COG6: variants seen among roughly 807,000 people sequenced by gnomAD.
The protein encoded by COG6 is component of oligomeric golgi complex 6, also known as conserved oligomeric Golgi complex subunit 6.
In COG6, 74 loss-of-function variants were observed where a neutral mutation model predicts 88.8. That is an observed-to-expected ratio of 0.83 (90% confidence interval 0.69 to 1.01). COG6 has a LOEUF of 1.01. Among genes scored for constraint, COG6 ranks in the 50% least tolerant of loss-of-function variants. The pLI, the probability that COG6 is intolerant of heterozygous loss-of-function variation, is 0.00. For missense variants in COG6, 800 were observed against 797.9 expected (o/e 1.00, Z -0.03); for synonymous variants, 286 against 278.7 (o/e 1.03, Z -0.26).
chr13:39,727,513 A>G lies in COG6; in HGVS notation c.1791A>G (p.Ile597Met). The change falls in exon 18 of 19, where the codon ATA becomes ATG. Residue 597 changes from isoleucine (I) to methionine (M), a missense_variant. Physicochemically the swap from Ile to Met is conservative, Grantham distance 10. Transcript: ENST00000455146. ...TGTCAGCCCCAGACAACCTATTGAT[A>G]CCACAGCTGAACTTTCTTCTAAGTG... Reference protein sequence around the residue: ...RYLSAPDNLLIPQLNFLLSAT... With the variant: ...RYLSAPDNLLMPQLNFLLSAT... 1 of 1,613,464 alleles carries G rather than the reference A, an allele frequency of 6.2e-7. No individual in the cohort carries two copies. The highest frequency in any genetic ancestry group is 8.5e-7 in the Non-Finnish European group (1 of 1,179,532).
At position 39,660,900 on chromosome 13, in the gene COG6, A is replaced by AT. The variant is rs776005163; in HGVS notation, c.369+23dup. 34 of 1,455,878 alleles carry AT rather than the reference A, an allele frequency of 2.3e-5. No homozygotes were observed. Among genetic ancestry groups the AT allele is most frequent in the Non-Finnish European group, 2.7e-5 (28 of 1,038,186 alleles). 90.2% of individuals were successfully genotyped at this position (1,455,878 alleles called of 1,614,324 possible). A position where few individuals can be genotyped will look rare whatever the true frequency, so the allele number is the denominator to read the frequency against. On this transcript the variant is annotated intron_variant, in intron 3 of 18. Coordinates refer to ENST00000455146, the MANE Select transcript of COG6 (RefSeq NM_020751.3). The stretch of plus-strand genomic sequence containing the variant: ...CCTACAGGTATTATATAATGGCTAG[A>AT]TTTTGGCATAGTTCCTGATATAAAC...
intron 4 of COG6, among the ~76,000 whole-genome samples, chr13:39,671,334 T>G (rs1875618495): frequency 6.6e-6 from 1 of 151,880 alleles, no homozygotes; most frequent in Admixed American, 6.6e-5. Context: ...GATCAAATTT[T>G]CCCCACCAAT....
intron 11 of COG6, among the ~76,000 whole-genome samples, chr13:39,692,590 T>G (rs2138018121): frequency 6.6e-6 from 1 of 152,152 alleles, no homozygotes; most frequent in East Asian, 1.9e-4. Context: ...TGTCATCATC[T>G]TTTTTAGTCC....
intron 18 of COG6, among the ~76,000 whole-genome samples, chr13:39,783,641 C>A (rs559867220): frequency 6.6e-6 from 1 of 152,108 alleles, no homozygotes; most frequent in African/African-American, 2.4e-5. Flanking sequence ...GACTACACAC[C>A]AATCCAAACT....
intron 17 of COG6, 129 bp downstream of exon 17, chr13:39,724,690 C>A: frequency 1.4e-6 from 1 of 735,334 alleles, no homozygotes; most frequent in Non-Finnish European, 2.4e-6. Context: ...ACGTTGGGTC[C>A]AATAATAATG....
chr13:39,676,542 G>A (rs1434296582), intron 4 of COG6, among the ~76,000 whole-genome samples: 3 of 152,140 alleles, frequency 2.0e-5, no homozygotes, highest in African/African-American at 7.2e-5. Flanking sequence ...TATTCAGTAG[G>A]AGCATTAGCA....
At chr13:39,667,430 T>G (rs1373865344) in intron 4 of COG6, among the ~76,000 whole-genome samples, 1 of 152,182 alleles carries the variant, frequency 6.6e-6, no homozygotes, top group Non-Finnish European at 1.5e-5. Context: ...ATTGCCTGGA[T>G]AGAAATTAAA....
intron 13 of COG6, among the ~76,000 whole-genome samples, chr13:39,712,176 T>C (rs960474766): frequency 1.3e-5 from 2 of 152,102 alleles, no homozygotes; most frequent in African/African-American, 4.8e-5. Flanking sequence ...TATCTTGCAT[T>C]TTTCATTTAA....
intron 3 of COG6, among the ~76,000 whole-genome samples, chr13:39,663,088 T>C (rs1420638568): frequency 1.2e-5 from 1 of 84,602 alleles, no homozygotes; most frequent in Non-Finnish European, 2.6e-5. Flanking sequence ...TATGTTTAAA[T>C]AATAAACATG....
chr13:39,660,289 G>C (rs1235481307), intron 2 of COG6, among the ~76,000 whole-genome samples: 1 of 152,072 alleles, frequency 6.6e-6, no homozygotes, highest in Non-Finnish European at 1.5e-5. Flanking sequence ...TCGAACTCCT[G>C]GGCTCACGCA....
At chr13:39,703,612 T>C (rs1303655490) in intron 13 of COG6, among the ~76,000 whole-genome samples, 2 of 152,286 alleles carry the variant, frequency 1.3e-5, no homozygotes, top group African/African-American at 4.8e-5. Flanking sequence ...TTGGGAGCAT[T>C]CCATGCTTGA....
At chr13:39,743,207 A>C (rs1337317529) in intron 18 of COG6, among the ~76,000 whole-genome samples, 1 of 152,228 alleles carries the variant, frequency 6.6e-6, no homozygotes, top group Admixed American at 6.5e-5. Context: ...GAGAAGCAAG[A>C]GCAAACAAAT....
At chr13:39,742,176 T>G (rs1483496869) in intron 18 of COG6, among the ~76,000 whole-genome samples, 3 of 152,174 alleles carry the variant, frequency 2.0e-5, no homozygotes, top group Non-Finnish European at 4.4e-5. Flanking sequence ...CCATTGATGC[T>G]GGGAAGAAAC....
chr13:39,669,776 T>C (rs1322773271), intron 4 of COG6, among the ~76,000 whole-genome samples: 1 of 152,192 alleles, frequency 6.6e-6, no homozygotes, highest in Non-Finnish European at 1.5e-5. Flanking sequence ...TTAGTAAGCC[T>C]GTGGAAGTGT....
chr13:39,692,866 A>G (rs757541104), intron 11 of COG6, among the ~76,000 whole-genome samples: 10 of 151,920 alleles, frequency 6.6e-5, no homozygotes, highest in Non-Finnish European at 8.8e-5. Flanking sequence ...AACATACTTT[A>G]TATCTGAGCC....
At chr13:39,672,794 CTT>C (rs1399520658) in intron 4 of COG6, among the ~76,000 whole-genome samples, 1 of 152,002 alleles carries the variant, frequency 6.6e-6, no homozygotes, top group African/African-American at 2.4e-5. Context: ...TATGATAACT[CTT>C]TAAGTGTTTG....
At chr13:39,678,463 C>T (rs9548878) in intron 5 of COG6, among the ~76,000 whole-genome samples, 109,947 of 152,082 alleles carry the variant, frequency 0.72, 40,021 homozygotes, top group Admixed American at 0.81. Context: ...TTAGAAATCA[C>T]TTGTTTTTTC....
intron 18 of COG6, among the ~76,000 whole-genome samples, chr13:39,731,250 T>A (rs1879435649): frequency 6.6e-6 from 1 of 152,200 alleles, no homozygotes; most frequent in Non-Finnish European, 1.5e-5. Context: ...TCCCTTTTTC[T>A]TGTCTTGTCT....
chr13:39,727,623 AAATT>A lies in COG6; in HGVS notation c.1826+76_1826+79del. 5 of 1,103,062 alleles carry A rather than the reference AAATT, an allele frequency of 4.5e-6. No homozygotes were observed. In the South Asian group the frequency reaches 5.0e-5, roughly 11 times the overall value. The allele number at this position is 1,103,062 out of a possible 1,614,324, so 68.3% of individuals were successfully genotyped here. A position where few individuals can be genotyped will look rare whatever the true frequency, so the allele number is the denominator to read the frequency against. ...ATATCAAGTACATTTTTTTGGAAAAAAATTTATTTTCAAGAATAAATGATTTACC... is the reference window on the plus strand; with the variant it reads ...ATATCAAGTACATTTTTTTGGAAAAATATTTTCAAGAATAAATGATTTACC... On this transcript the variant is annotated intron_variant, in intron 18 of 18. Transcript: ENST00000455146.
Sources: allele counts gnomAD v4.1 joint callset (sites outside exome capture counted in the v4.1 genomes callset), GRCh38; gene constraint gnomAD v4.1.1; transcripts MANE v1.5; gene names NCBI Gene and HGNC (gene_info 2026-07-23, HGNC 2026-07-21).